The following MPHOSPH9 variants were observed in gnomAD, a reference collection of about 807,000 sequenced individuals.
The protein encoded by MPHOSPH9 is M-phase phosphoprotein 9.
MPHOSPH9 carries 88 observed loss-of-function variants against 145.5 expected under a neutral mutation model. That is an observed-to-expected ratio of 0.60 (90% confidence interval 0.51 to 0.72). The LOEUF is 0.72. Ranked by LOEUF, MPHOSPH9 falls within the 30% of genes least tolerant of loss-of-function variation. The probability of loss-of-function intolerance (pLI) is 0.00; values close to 1 mark genes in which losing one functional copy is unlikely to be tolerated. For missense variants in MPHOSPH9, 1,238 were observed against 1,386.6 expected, an observed-to-expected ratio of 0.89 and a Z score of 1.70; for synonymous variants, 435 against 486.2, an observed-to-expected ratio of 0.89 and a Z score of 1.39.
At position 123,194,529 on chromosome 12, in the gene MPHOSPH9, T is replaced by G. The variant is rs769243201; in HGVS notation, c.2098A>C (p.Arg700=). The part of the protein sequence containing the change: ...KILQERIEEM[R]TSSKEKDNTI... Reference sequence around the variant, plus strand: ...TTGTCTTTTTCTTTACTGCTTGTTCTCATTTCTTCAATTCGTTCCTGCAAA... The same window carrying G: ...TTGTCTTTTTCTTTACTGCTTGTTCGCATTTCTTCAATTCGTTCCTGCAAA... Residue 700 remains arginine (R), a synonymous_variant, in exon 13 of 24, where the codon AGA becomes CGA. Coordinates refer to ENST00000606320, the MANE Select transcript of MPHOSPH9 (RefSeq NM_022782.4). 1 of 1,613,382 alleles carries G rather than the reference T, an allele frequency of 6.2e-7. No homozygotes were observed. The highest frequency in any genetic ancestry group is 8.5e-7 in the Non-Finnish European group (1 of 1,179,900).
At chr12:123,242,273 C>T (rs1027544161) in intron 1 of MPHOSPH9, among the ~76,000 whole-genome samples, 1 of 152,144 alleles carries the variant, frequency 6.6e-6, no homozygotes, top group African/African-American at 2.4e-5. Flanking sequence ...CAGGGTAGAG[C>T]GCCAGCCCTA....
chr12:123,214,508 G>T (rs2046877345), intron 7 of MPHOSPH9, among the ~76,000 whole-genome samples: 1 of 152,188 alleles, frequency 6.6e-6, no homozygotes, highest in Non-Finnish European at 1.5e-5. Flanking sequence ...CTGCACCCCA[G>T]CCTGGGTGAC....
intron 16 of MPHOSPH9, among the ~76,000 whole-genome samples, chr12:123,169,982 C>CTT (rs1251368308): frequency 1.4e-5 from 2 of 140,982 alleles, no homozygotes; most frequent in African/African-American, 2.6e-5. Flanking sequence ...TTTTAAATGT[C>CTT]TTTTTTTTTT....
chr12:123,193,108 T>TAC (rs4044136), intron 13 of MPHOSPH9, among the ~76,000 whole-genome samples: 4,485 of 94,878 alleles, frequency 0.047, 149 homozygotes, highest in Middle Eastern at 0.083. Flanking sequence ...TATATATATA[T>TAC]ACACACACAC....
intron 16 of MPHOSPH9, among the ~76,000 whole-genome samples, chr12:123,167,402 T>A (rs142343516): frequency 4.6e-5 from 7 of 152,338 alleles, no homozygotes; most frequent in Non-Finnish European, 1.0e-4. Flanking sequence ...TGGGAACTAT[T>A]CTGAATTCCT....
Position 123,223,037 on chromosome 12 carries a change from C to T in MPHOSPH9, c.348+1G>A. The T allele has an allele frequency of 6.6e-7, 1 of 1,512,060 alleles. No individual in the cohort carries two copies. The highest frequency in any genetic ancestry group is 8.8e-7 in the Non-Finnish European group (1 of 1,134,376). 93.7% of individuals were successfully genotyped at this position (1,512,060 alleles called of 1,614,324 possible). A position where few individuals can be genotyped will look rare whatever the true frequency, so the allele number is the denominator to read the frequency against. ...AGGAATCAATGTAAATGGTAACTTA[C>T]TTGAATTTGGTTGTGGAACTGCTCC... On this transcript the variant is annotated splice_donor_variant, in intron 4 of 23. Transcript: ENST00000606320. LOFTEE classifies it high-confidence loss of function.
chr12:123,214,794 A>C lies in MPHOSPH9; in HGVS notation c.1037T>G (p.Leu346Arg), dbSNP rs1411782245. The C allele has an allele frequency of 2.5e-6, 4 of 1,613,684 alleles. No homozygotes were observed. In the Admixed American group the frequency reaches 6.7e-5, roughly 27 times the overall value. The change falls in exon 7 of 24, where the codon CTC (leucine) becomes CGC (arginine). Residue 346 changes from leucine (L) to arginine (R), a missense_variant. Leu to Arg is a moderately radical substitution (Grantham distance 102, BLOSUM62 -2). Coordinates refer to ENST00000606320, the MANE Select transcript of MPHOSPH9 (RefSeq NM_022782.4). ...ATTTGGAGTTTCATCTGGTTTACTG[A>C]GGTAAAAAGCACGAGGATGTGTAGC... ...AAATHPRAFYLSKPDETPNAW... is the reference protein window; with the variant it reads ...AAATHPRAFYRSKPDETPNAW...
chr12:123,187,971 A>G (rs1790086), intron 13 of MPHOSPH9, among the ~76,000 whole-genome samples: 97,376 of 152,070 alleles, frequency 0.64, 35,760 homozygotes, highest in East Asian at 0.97. Context: ...TAAAAATACA[A>G]AAAGAATTAG....
chr12:123,175,644 C>A (rs978529151), intron 16 of MPHOSPH9, among the ~76,000 whole-genome samples: 1 of 145,706 alleles, frequency 6.9e-6, no homozygotes, highest in Non-Finnish European at 1.5e-5. Context: ...CTCCCAGACA[C>A]CCCACCCTGC....
chr12:123,160,650 G>T, intron 23 of MPHOSPH9, 131 bp downstream of exon 23: 1 of 731,848 alleles, frequency 1.4e-6, no homozygotes, highest in Non-Finnish European at 2.2e-6. Flanking sequence ...TCCCGTAAAA[G>T]CTAAAAGTTT....
chr12:123,179,582 A>G (rs564028511), intron 15 of MPHOSPH9, among the ~76,000 whole-genome samples: 157 of 152,196 alleles, frequency 1.0e-3, no homozygotes, highest in African/African-American at 3.6e-3. Flanking sequence ...ATCAACAACA[A>G]CAACAACAAA....
At position 123,156,781 on chromosome 12, in the gene MPHOSPH9, G is replaced by A. The variant is rs746415075; in HGVS notation, c.*26C>T. The A allele has an allele frequency of 8.2e-6, 13 of 1,589,378 alleles. No homozygotes were observed. Among genetic ancestry groups the A allele is most frequent in the Non-Finnish European group, 1.1e-5 (13 of 1,160,498 alleles). On this transcript the variant is annotated 3_prime_UTR_variant, in exon 24 of 24. Coordinates refer to ENST00000606320, the MANE Select transcript of MPHOSPH9 (RefSeq NM_022782.4). ...ATTATACATTAGTGCAAACAAAAAT[G>A]TCTCAAAATTTAATGGCTACAAATC...
At chr12:123,162,831 A>T in intron 20 of MPHOSPH9, 183 bp downstream of exon 20, 1 of 524,064 alleles carries the variant, frequency 1.9e-6, no homozygotes, top group Non-Finnish European at 3.1e-6. Context: ...TTACATAGTT[A>T]AAAACTGTGT....
chr12:123,212,355 T>C (rs899907939), intron 7 of MPHOSPH9, among the ~76,000 whole-genome samples: 5 of 152,078 alleles, frequency 3.3e-5, no homozygotes, highest in African/African-American at 9.7e-5. Context: ...AAAACCTATC[T>C]GGGACATTTG....
upstream of MPHOSPH9, chr12:123,233,500 C>G (rs1228409272): frequency 1.3e-5 from 2 of 152,270 alleles, no homozygotes; most frequent in Non-Finnish European, 2.9e-5. Context: ...ATCCCTAGAA[C>G]GTTGAGGGCA....
In MPHOSPH9 at chr12:123,165,552, C is replaced by A; in HGVS notation, c.2592-75G>T. 6 of 1,323,860 alleles carry A rather than the reference C, an allele frequency of 4.5e-6. 1 individual carries two copies. The South Asian group carries it at 7.7e-5, about 17-fold the overall frequency. The allele number at this position is 1,323,860 out of a possible 1,614,324, so 82.0% of individuals were successfully genotyped here. ...TCTTGCCCCCCGCCCCCACACCAAA[C>A]ATACATGTTGAAGCCCTAATCTTCA... On this transcript the variant is annotated intron_variant, in intron 17 of 23. Transcript: ENST00000606320.
rs929568760 is a variant in MPHOSPH9, at chr12:123,233,085, C to G, written c.-169G>C. 6.6e-6 allele frequency: 1 copy of G among 152,338 alleles called. No individual in the cohort carries two copies. Among genetic ancestry groups the G allele is most frequent in the African/African-American group, 2.4e-5 (1 of 41,472 alleles). The allele number at this position is 152,338 out of a possible 1,614,324, so 9.4% of individuals were successfully genotyped here. On this transcript the variant is annotated 5_prime_UTR_variant, in exon 1 of 24. Coordinates refer to ENST00000606320, the MANE Select transcript of MPHOSPH9 (RefSeq NM_022782.4). ...CTGGTGGCCGCTTACCTGGCCGCCGCTCCCGCTGCCGATGTCAGGGTCATG... is the reference window on the plus strand; with the variant it reads ...CTGGTGGCCGCTTACCTGGCCGCCGGTCCCGCTGCCGATGTCAGGGTCATG...
chr12:123,203,841 G>A (rs958136661), intron 8 of MPHOSPH9, among the ~76,000 whole-genome samples: 2 of 151,898 alleles, frequency 1.3e-5, no homozygotes, highest in Non-Finnish European at 2.9e-5. Flanking sequence ...GCAAGACCAC[G>A]CCCAGCTAAT....
upstream of MPHOSPH9, among the ~76,000 whole-genome samples, chr12:123,235,686 CTTAA>C (rs1285187581): frequency 6.6e-6 from 1 of 151,260 alleles, no homozygotes; most frequent in Non-Finnish European, 1.5e-5. Flanking sequence ...AGTGAGTTAT[CTTAA>C]TTAATTGTTC....
Sources: allele counts gnomAD v4.1 joint callset (sites outside exome capture counted in the v4.1 genomes callset), GRCh38; gene constraint gnomAD v4.1.1; transcripts MANE v1.5; gene names NCBI Gene and HGNC (gene_info 2026-07-23, HGNC 2026-07-21).